Variants in SYNPR observed in about 807,000 individuals in gnomAD.
The protein encoded by SYNPR is synaptoporin.
In SYNPR, 23 loss-of-function variants were observed where a neutral mutation model predicts 32.9. The ratio of observed to expected loss-of-function variants is 0.70; its 90% CI spans 0.50 to 0.99. The LOEUF is 0.99. Among genes scored for constraint, SYNPR ranks in the 50% least tolerant of loss-of-function variants. SYNPR has a pLI of 0.00. For missense variants in SYNPR, 318 were observed against 349.3 expected (o/e 0.91, Z 0.71); for synonymous variants, 146 against 135.9 (o/e 1.07, Z -0.52).
chr3:63,278,976 G>A (rs2086602748), intron 2 of SYNPR, among the ~76,000 whole-genome samples: 1 of 152,154 alleles, frequency 6.6e-6, no homozygotes, highest in Non-Finnish European at 1.5e-5. Flanking sequence ...GCTTAGACAA[G>A]TGTCGTCTCA....
At chr3:63,258,985 A>C (rs963271140) in intron 2 of SYNPR, among the ~76,000 whole-genome samples, 5 of 152,330 alleles carry the variant, frequency 3.3e-5, no homozygotes, top group African/African-American at 9.6e-5. Flanking sequence ...GAAATGGATA[A>C]ATTCCTGGAC....
At chr3:63,260,207 T>C (rs1372302959) in intron 2 of SYNPR, among the ~76,000 whole-genome samples, 3 of 152,154 alleles carry the variant, frequency 2.0e-5, no homozygotes, top group Admixed American at 2.0e-4. Flanking sequence ...CTTCACAGAA[T>C]TGGAAAAAAC....
chr3:63,279,333 C>T (rs2086606809), intron 2 of SYNPR, among the ~76,000 whole-genome samples: 1 of 152,140 alleles, frequency 6.6e-6, no homozygotes. Flanking sequence ...TCCTTCCCTA[C>T]TATAGTTTCT....
intron 3 of SYNPR, among the ~76,000 whole-genome samples, chr3:63,491,991 G>A (rs1181675886): frequency 6.6e-6 from 1 of 152,096 alleles, no homozygotes; most frequent in Non-Finnish European, 1.5e-5. Context: ...TCTTGTTAGA[G>A]CCCAAGGTGG....
At chr3:63,383,424 A>G (rs1344299214) in intron 2 of SYNPR, among the ~76,000 whole-genome samples, 3 of 152,076 alleles carry the variant, frequency 2.0e-5, no homozygotes, top group Non-Finnish European at 4.4e-5. Flanking sequence ...CAAAAGAATA[A>G]AAGAGGCCAG....
intron 3 of SYNPR, among the ~76,000 whole-genome samples, chr3:63,496,204 A>G (rs1390318129): frequency 6.6e-6 from 1 of 152,122 alleles, no homozygotes; most frequent in Non-Finnish European, 1.5e-5. Context: ...TCTCAGAGAT[A>G]ATCTCCACAA....
intron 2 of SYNPR, among the ~76,000 whole-genome samples, chr3:63,283,285 G>A (rs550572880): frequency 3.9e-5 from 6 of 152,240 alleles, no homozygotes; most frequent in Non-Finnish European, 5.9e-5. Flanking sequence ...AAGGGTTCAC[G>A]GATACAGTAG....
At chr3:63,252,956 T>C (rs2086346440) in intron 2 of SYNPR, among the ~76,000 whole-genome samples, 1 of 151,472 alleles carries the variant, frequency 6.6e-6, no homozygotes, top group African/African-American at 2.4e-5. Flanking sequence ...GGAGGATTGC[T>C]TGAAATGGGG....
intron 3 of SYNPR, among the ~76,000 whole-genome samples, chr3:63,505,822 G>T (rs1370798676): frequency 1.3e-5 from 2 of 152,024 alleles, no homozygotes; most frequent in African/African-American, 4.8e-5. Flanking sequence ...TGGCTGCATG[G>T]TTTAGTCAAC....
At chr3:63,354,808 G>A (rs1004122995) in intron 2 of SYNPR, among the ~76,000 whole-genome samples, 1 of 152,186 alleles carries the variant, frequency 6.6e-6, no homozygotes, top group Non-Finnish European at 1.5e-5. Flanking sequence ...AGGCAGAATA[G>A]AGCCTGCTTT....
At chr3:63,457,028 G>A (rs920407641) in intron 2 of SYNPR, among the ~76,000 whole-genome samples, 1 of 152,068 alleles carries the variant, frequency 6.6e-6, no homozygotes, top group African/African-American at 2.4e-5. Flanking sequence ...GCCTAGCTGA[G>A]TGGTAAGAAG....
chr3:63,312,308 G>A (rs933942350), intron 2 of SYNPR, among the ~76,000 whole-genome samples: 8 of 151,930 alleles, frequency 5.3e-5, no homozygotes, highest in Non-Finnish European at 7.4e-5. Context: ...ATAACCTGCT[G>A]GCCAAAGACT....
At chr3:63,408,867 C>T (rs2088424345) in intron 2 of SYNPR, among the ~76,000 whole-genome samples, 1 of 152,146 alleles carries the variant, frequency 6.6e-6, no homozygotes, top group Non-Finnish European at 1.5e-5. Context: ...CATTAATCCA[C>T]TCAAGTTGAC....
chr3:63,331,837 A>G (rs1470463453), intron 2 of SYNPR, among the ~76,000 whole-genome samples: 1 of 152,122 alleles, frequency 6.6e-6, no homozygotes, highest in Non-Finnish European at 1.5e-5. Flanking sequence ...AAATCAACAA[A>G]TATCTACTGA....
chr3:63,553,807 C>T (rs756085134), intron 3 of SYNPR, among the ~76,000 whole-genome samples: 3 of 152,134 alleles, frequency 2.0e-5, no homozygotes, highest in African/African-American at 7.2e-5. Flanking sequence ...TCGCAACCTC[C>T]GCCTCCTAGG....
At chr3:63,402,268 C>A (rs912366422) in intron 2 of SYNPR, among the ~76,000 whole-genome samples, 2 of 152,130 alleles carry the variant, frequency 1.3e-5, no homozygotes, top group Non-Finnish European at 2.9e-5. Context: ...GCGCTCCCTG[C>A]AAAGTGGTGA....
At chr3:63,315,163 T>C (rs2087027289) in intron 2 of SYNPR, among the ~76,000 whole-genome samples, 1 of 151,874 alleles carries the variant, frequency 6.6e-6, no homozygotes, top group South Asian at 2.1e-4. Flanking sequence ...TGAAATCAGG[T>C]AGCGTGATGC....
intron 3 of SYNPR, among the ~76,000 whole-genome samples, chr3:63,514,621 T>C (rs1701760672): frequency 6.6e-6 from 1 of 152,164 alleles, no homozygotes; most frequent in South Asian, 2.1e-4. Context: ...TCTTATTAAA[T>C]TAGAATCACT....
At chr3:63,285,943 G>A (rs1451242751) in intron 2 of SYNPR, among the ~76,000 whole-genome samples, 3 of 152,158 alleles carry the variant, frequency 2.0e-5, no homozygotes, top group Non-Finnish European at 2.9e-5. Context: ...TGATGATAAC[G>A]ATGCCAGCGG....
Sources: allele counts gnomAD v4.1 joint callset (sites outside exome capture counted in the v4.1 genomes callset), GRCh38; gene constraint gnomAD v4.1.1; transcripts MANE v1.5; gene names NCBI Gene and HGNC (gene_info 2026-07-23, HGNC 2026-07-21).